ULK4: variants seen among roughly 807,000 people sequenced by gnomAD.
The protein encoded by ULK4 is unc-51 like kinase 4, also known as inactive serine/threonine-protein kinase ULK4.
ULK4 carries 133 observed loss-of-function variants against 160.6 expected under a neutral mutation model. The observed-to-expected ratio is 0.83, with a 90% CI of 0.72 to 0.96. The LOEUF (loss-of-function observed/expected upper bound fraction) is 0.96, where lower values mean the gene tolerates loss of function less well. Ranked by LOEUF, ULK4 falls within the 40% of genes least tolerant of loss-of-function variation. The pLI is 0.00. For synonymous variants in ULK4, 534 were observed against 539.8 expected, an observed-to-expected ratio of 0.99 and a Z score of 0.15; for missense variants, 1,580 against 1,499.5, an observed-to-expected ratio of 1.05 and a Z score of -0.89.
intron 5 of ULK4, among the ~76,000 whole-genome samples, chr3:41,926,073 G>A (rs1699375173): frequency 6.6e-6 from 1 of 152,112 alleles, no homozygotes; most frequent in South Asian, 2.1e-4. Context: ...TCCCAGTAGG[G>A]GCCAGCAGAC....
chr3:41,925,035 T>C (rs750900619), intron 5 of ULK4, among the ~76,000 whole-genome samples: 6 of 152,106 alleles, frequency 3.9e-5, no homozygotes, highest in Non-Finnish European at 7.4e-5. Flanking sequence ...TCCCCTCAAG[T>C]ATAGCAATTT....
intron 35 of ULK4, among the ~76,000 whole-genome samples, chr3:41,339,259 A>G (rs2080630824): frequency 6.6e-6 from 1 of 152,070 alleles, no homozygotes; most frequent in Admixed American, 6.5e-5. Context: ...AGCAGCTCGC[A>G]GCAGGACTGC....
intron 35 of ULK4, among the ~76,000 whole-genome samples, chr3:41,317,100 G>A (rs1461885522): frequency 1.7e-5 from 2 of 117,424 alleles, no homozygotes; most frequent in East Asian, 2.4e-4. Context: ...ACGGAGTCTC[G>A]CTCTGTCGCC....
chr3:41,437,852 G>A (rs1419409636), intron 34 of ULK4, among the ~76,000 whole-genome samples: 1 of 152,138 alleles, frequency 6.6e-6, no homozygotes, highest in Non-Finnish European at 1.5e-5. Flanking sequence ...ATAAGGGAGA[G>A]ATTCTGTTTA....
intron 30 of ULK4, among the ~76,000 whole-genome samples, chr3:41,644,703 C>T (rs1316151460): frequency 2.0e-5 from 3 of 150,984 alleles, no homozygotes; most frequent in African/African-American, 7.3e-5. Context: ...TGATGCTGGC[C>T]TCATAAAATG....
chr3:41,501,485 A>G (rs551367144), intron 32 of ULK4, among the ~76,000 whole-genome samples: 8 of 152,272 alleles, frequency 5.3e-5, no homozygotes, highest in African/African-American at 1.9e-4. Flanking sequence ...GTGACAGAGC[A>G]AGACTCCGTC....
intron 30 of ULK4, among the ~76,000 whole-genome samples, chr3:41,660,731 G>A (rs1466041459): frequency 2.6e-5 from 4 of 152,108 alleles, no homozygotes; most frequent in Admixed American, 2.6e-4. Context: ...ACTGACATGA[G>A]GCAAGACTTA....
At chr3:41,296,704 A>G (rs979745971) in intron 35 of ULK4, among the ~76,000 whole-genome samples, 1 of 152,138 alleles carries the variant, frequency 6.6e-6, no homozygotes, top group Non-Finnish European at 1.5e-5. Flanking sequence ...GAAGCGCTCT[A>G]AGATAACAAA....
chr3:41,824,519 T>A (rs540202997), intron 18 of ULK4, among the ~76,000 whole-genome samples: 42 of 152,254 alleles, frequency 2.8e-4, no homozygotes, highest in African/African-American at 7.9e-4. Context: ...GGAGATTATA[T>A]CCCACGCCTG....
chr3:41,681,645 C>T lies in ULK4; in HGVS notation c.2841G>A (p.Trp947Ter). 6.2e-7 allele frequency: 1 copy of T among 1,613,560 alleles called. No individual in the cohort carries two copies. The highest frequency in any genetic ancestry group is 8.5e-7 in the Non-Finnish European group (1 of 1,179,870). Residue 947 changes from tryptophan to a stop codon, truncating the protein, a stop_gained, in exon 29 of 37, where the codon TGG becomes TGA. Transcript: ENST00000301831. LOFTEE classifies it high-confidence loss of function. ...VSLVQSQNVE[W>*]RLFSLRLLSE... ...AGAGCAACCGCAAGCTAAAGAGTCT[C>T]CACTCCACTTGAAAGAAAAAAAAAA...
At chr3:41,827,738 C>A (rs75108967) in intron 18 of ULK4, among the ~76,000 whole-genome samples, 38,466 of 151,712 alleles carry the variant, frequency 0.25, 6,018 homozygotes, top group African/African-American at 0.45. Context: ...GAGCTGGTAC[C>A]ATTCCTTCTG....
chr3:41,861,859 T>C (rs187162638), intron 17 of ULK4, among the ~76,000 whole-genome samples: 16 of 152,268 alleles, frequency 1.1e-4, no homozygotes, highest in Admixed American at 8.5e-4. Flanking sequence ...TCTCACTCTG[T>C]CACCCAGGCT....
intron 17 of ULK4, among the ~76,000 whole-genome samples, chr3:41,838,551 C>G (rs2041825937): frequency 2.6e-5 from 4 of 151,856 alleles, no homozygotes; most frequent in Non-Finnish European, 5.9e-5. Flanking sequence ...AAAAAATGTT[C>G]AGTAAACCAC....
At chr3:41,795,321 C>T (rs2040271801) in intron 20 of ULK4, among the ~76,000 whole-genome samples, 1 of 152,078 alleles carries the variant, frequency 6.6e-6, no homozygotes, top group South Asian at 2.1e-4. Flanking sequence ...TCATGCTGTT[C>T]CCCCACCTGC....
chr3:41,592,735 A>C (rs2031437410), intron 31 of ULK4, among the ~76,000 whole-genome samples: 1 of 152,200 alleles, frequency 6.6e-6, no homozygotes, highest in Non-Finnish European at 1.5e-5. Flanking sequence ...TCTGTAAAAC[A>C]CTTATGAAGA....
chr3:41,589,990 C>A lies in ULK4; in HGVS notation c.3121-23860G>T, dbSNP rs192547764. On this transcript the variant is annotated intron_variant, in intron 31 of 36. Transcript: ENST00000301831. ...TGAGATAAAGAGATGTTTTAAAGAA[C>A]CAAATGCAAGGTTTTTTTTGTTTTT... Among the ~76,000 whole-genome samples, 7 of 151,748 alleles carry A rather than the reference C, an allele frequency of 4.6e-5. No individual in the cohort carries two copies. In the East Asian group the frequency reaches 1.4e-3, roughly 30 times the overall value.
At chr3:41,298,404 T>C (rs1486013789) in intron 35 of ULK4, among the ~76,000 whole-genome samples, 1 of 152,204 alleles carries the variant, frequency 6.6e-6, no homozygotes, top group Non-Finnish European at 1.5e-5. Context: ...CCCCCAAAAC[T>C]TCAACACTGT....
chr3:41,533,479 C>T (rs560638253), intron 32 of ULK4, among the ~76,000 whole-genome samples: 30 of 152,180 alleles, frequency 2.0e-4, no homozygotes, highest in East Asian at 3.9e-4. Context: ...AATATGTTGA[C>T]GCGTGAAGAT....
chr3:41,639,464 C>T (rs2034095521), intron 30 of ULK4, among the ~76,000 whole-genome samples: 1 of 152,136 alleles, frequency 6.6e-6, no homozygotes, highest in Admixed American at 6.5e-5. Context: ...TGGCTCACAC[C>T]TGTAAGTAAT....
Sources: gnomAD v4.1 joint callset for allele counts (sites outside exome capture counted in the v4.1 genomes callset) on GRCh38, gnomAD v4.1.1 for gene constraint, MANE v1.5 for transcripts, NCBI Gene and HGNC (gene_info 2026-07-23, HGNC 2026-07-21) for gene names.